KMT2C: variants seen among roughly 807,000 people sequenced by gnomAD.
KMT2C encodes the protein lysine methyltransferase 2C, also known as histone-lysine N-methyltransferase 2C.
A neutral mutation model predicts 507.9 loss-of-function variants in KMT2C; 88 were observed. The ratio of observed to expected loss-of-function variants is 0.17; its 90% CI spans 0.15 to 0.21. The LOEUF is 0.21. Ranked by LOEUF, KMT2C falls within the 10% of genes least tolerant of loss-of-function variation. The pLI, the probability that KMT2C is intolerant of heterozygous loss-of-function variation, is 1.00. For missense variants in KMT2C, 4,954 were observed against 5,957.8 expected (o/e 0.83, Z 5.55); for synonymous variants, 2,049 against 2,080.8 (o/e 0.98, Z 0.42).
rs554478789 is a variant in KMT2C, at chr7:152,327,856, G to C, written c.389+2745C>G. 6.6e-5 allele frequency among the ~76,000 whole-genome samples: 10 copies of C among 151,388 alleles called. No individual in the cohort carries two copies. In the South Asian group the frequency reaches 2.1e-3, roughly 31 times the overall value. Reference sequence around the variant, plus strand: ...ACCTGTAGTCCCAGCTACTCAGGAGGCTGAGGCAGAAGAATGGCGTGAACC... The same window carrying C: ...ACCTGTAGTCCCAGCTACTCAGGAGCCTGAGGCAGAAGAATGGCGTGAACC... On this transcript the variant is annotated intron_variant, in intron 3 of 58. Transcript: ENST00000262189.
intron 39 of KMT2C, among the ~76,000 whole-genome samples, chr7:152,171,899 C>T (rs1230962772): frequency 1.3e-5 from 2 of 152,126 alleles, no homozygotes; most frequent in Admixed American, 1.3e-4. Flanking sequence ...CAAAAATGGA[C>T]GACTGACCAA....
intron 6 of KMT2C, among the ~76,000 whole-genome samples, chr7:152,277,285 G>A (rs1325626918): frequency 6.6e-6 from 1 of 152,042 alleles, no homozygotes; most frequent in Non-Finnish European, 1.5e-5. Flanking sequence ...AGGCAACTAG[G>A]ATTCTCCCAG....
At chr7:152,396,622 C>T (rs917852703) in intron 1 of KMT2C, among the ~76,000 whole-genome samples, 6 of 152,202 alleles carry the variant, frequency 3.9e-5, no homozygotes, top group African/African-American at 1.2e-4. Flanking sequence ...AAAAAGAAAA[C>T]GACAATTGCT....
rs375541673 is a variant in KMT2C, at chr7:152,199,300, G to C, written c.4252C>G (p.Pro1418Ala). 2 of 1,595,768 alleles carry C rather than the reference G, an allele frequency of 1.3e-6. No homozygotes were observed. The highest frequency in any genetic ancestry group is 1.8e-5 in the Admixed American group (1 of 55,958). Residue 1418 changes from proline to alanine, a missense_variant, in exon 27 of 59, where the codon CCA becomes GCA. Pro to Ala is a conservative substitution (Grantham distance 27). Around this residue, in one of 29 missense-constraint regions of KMT2C, gnomAD observed 140 missense variants for 118.4 expected, o/e 1.18. Coordinates refer to ENST00000262189, the MANE Select transcript of KMT2C (RefSeq NM_170606.3). ...ATACCGTGAGTTCCAGATTTTGTTG[G>C]AGCCGAGGATGAACTAAGTAGTGGA... ...LDPLLSSSSA[P>A]TKSGTHGPAD...
chr7:152,238,875 AAAG>A (rs2129157853), intron 14 of KMT2C, 49 bp from the exon 15 acceptor site: 1 of 1,535,322 alleles, frequency 6.5e-7, no homozygotes, highest in Non-Finnish European at 8.7e-7. Context: ...CAGCAACATA[AAAG>A]GTCAAAGCCA....
rs573137835 is a variant in KMT2C at position 152,285,980 on chromosome 7, C to CAAAAG, written c.850-12118_850-12114dup. The stretch of plus-strand genomic sequence containing the variant: ...AGCCTGGGAGACAAAGACCCTGTCT[C>CAAAAG]AAAAGAAAAGAAAAGAAAATTCTAC... On this transcript the variant is annotated intron_variant, in intron 6 of 58. Transcript: ENST00000262189. Among the ~76,000 whole-genome samples, 489 of 152,250 alleles carry CAAAAG rather than the reference C, an allele frequency of 3.2e-3. 2 individuals carry two copies. The highest frequency in any genetic ancestry group is 0.026 in the East Asian group (133 of 5,186).
chr7:152,357,294 G>A (rs1390237177), intron 2 of KMT2C, among the ~76,000 whole-genome samples: 1 of 152,146 alleles, frequency 6.6e-6, no homozygotes, highest in East Asian at 1.9e-4. Flanking sequence ...GGAGGCTGAG[G>A]TGAGCGGATT....
rs1187382615 is a variant in KMT2C, at chr7:152,136,445, G to A, written c.*387C>T. ...TACATTCATAGGAAGGCCCCTGCCC[G>A]GGGCAGGGCAGCCATCGGCTCTTTG... On this transcript the variant is annotated 3_prime_UTR_variant, in exon 59 of 59. Coordinates refer to ENST00000262189, the MANE Select transcript of KMT2C (RefSeq NM_170606.3). 1.6e-5 allele frequency: 4 copies of A among 248,634 alleles called. No individual in the cohort carries two copies. The highest frequency in any genetic ancestry group is 2.2e-5 in the African/African-American group (1 of 45,374). 15.4% of individuals were successfully genotyped at this position (248,634 alleles called of 1,614,324 possible).
intron 25 of KMT2C, among the ~76,000 whole-genome samples, chr7:152,204,591 C>CTAGATAGA (rs57456614): frequency 0.027 from 3,804 of 143,462 alleles, 56 homozygotes; most frequent in African/African-American, 0.045. Flanking sequence ...AGTGAGACCC[C>CTAGATAGA]TAGATAGATA....
At chr7:152,242,372 TTTC>T (rs1269626457) in intron 14 of KMT2C, among the ~76,000 whole-genome samples, 4 of 152,188 alleles carry the variant, frequency 2.6e-5, no homozygotes, top group African/African-American at 7.2e-5. Context: ...GAATCTTGAA[TTTC>T]TTCACTTAAA....
intron 40 of KMT2C, 48 bp downstream of exon 40, chr7:152,171,216 A>C (rs1465644801): frequency 7.7e-7 from 1 of 1,300,292 alleles, no homozygotes; most frequent in Admixed American, 2.1e-5. Flanking sequence ...GTTTGCTGGG[A>C]AACAGAAAAG....
At chr7:152,250,004 A>G in intron 12 of KMT2C, 51 bp from the exon 13 acceptor site, 1 of 1,064,362 alleles carries the variant, frequency 9.4e-7, no homozygotes, top group South Asian at 1.3e-5. Flanking sequence ...TTTCTGTAAC[A>G]CTGTTCCCTC....
intron 7 of KMT2C, among the ~76,000 whole-genome samples, chr7:152,266,313 C>T (rs201805595): frequency 2.6e-5 from 4 of 151,624 alleles, no homozygotes; most frequent in Non-Finnish European, 4.4e-5. Flanking sequence ...GGCACGATCT[C>T]GGCTTACTGT....
At chr7:152,361,615 A>G (rs925517553) in intron 1 of KMT2C, among the ~76,000 whole-genome samples, 2 of 152,210 alleles carry the variant, frequency 1.3e-5, no homozygotes, top group African/African-American at 4.8e-5. Flanking sequence ...AGAAAACATT[A>G]AAATAAAGTG....
intron 8 of KMT2C, 79 bp downstream of exon 8, chr7:152,264,959 A>G: frequency 6.6e-7 from 1 of 1,514,810 alleles, no homozygotes; most frequent in South Asian, 1.3e-5. Flanking sequence ...CCTCTATTAT[A>G]TTACACAAAC....
Position 152,159,048 on chromosome 7 carries a change from C to A in KMT2C, c.11485G>T (p.Gly3829Cys). The A allele has an allele frequency of 2.5e-6, 4 of 1,614,174 alleles. No homozygotes were observed. The highest frequency in any genetic ancestry group is 3.4e-6 in the Non-Finnish European group (4 of 1,180,040). Reference sequence around the variant, plus strand: ...AACTGGTTGCCACATCCAAAACCACCTTGCATTTGAGCCCCCAAAGTTTGC... The same window carrying A: ...AACTGGTTGCCACATCCAAAACCACATTGCATTTGAGCCCCCAAAGTTTGC... ...GLQTLGAQMQ[G>C]GFGCGNQLPK... Residue 3829 changes from glycine to cysteine, a missense_variant, in exon 44 of 59, where the codon GGT (glycine) becomes TGT (cysteine). Physicochemically the swap from Gly to Cys is radical, Grantham distance 159. Around this residue, in one of 29 missense-constraint regions of KMT2C, gnomAD observed 801 missense variants for 751.2 expected, o/e 1.07. Coordinates refer to ENST00000262189, the MANE Select transcript of KMT2C (RefSeq NM_170606.3).
intron 27 of KMT2C, among the ~76,000 whole-genome samples, chr7:152,196,856 G>A (rs1329779689): frequency 6.6e-6 from 1 of 152,102 alleles, no homozygotes; most frequent in Non-Finnish European, 1.5e-5. Context: ...AAGCCCCTGG[G>A]GCAAGCCGGG....
intron 20 of KMT2C, 28 bp downstream of exon 20, chr7:152,223,987 T>C (rs1450970494): frequency 1.0e-5 from 15 of 1,496,736 alleles, no homozygotes; most frequent in Admixed American, 2.0e-5. Flanking sequence ...GAGAAAAGCT[T>C]TAAAAAGATG....
At chr7:152,287,684 G>A (rs1454585745) in intron 6 of KMT2C, among the ~76,000 whole-genome samples, 1 of 152,168 alleles carries the variant, frequency 6.6e-6, no homozygotes, top group African/African-American at 2.4e-5. Context: ...ATTCATAGAT[G>A]TCATAATTAT....
Sources: gnomAD v4.1 joint callset for allele counts (sites outside exome capture counted in the v4.1 genomes callset) on GRCh38, gnomAD v4.1.1 for gene constraint, gnomAD v4.1.1 regional missense constraint, MANE v1.5 for transcripts, NCBI Gene and HGNC (gene_info 2026-07-23, HGNC 2026-07-21) for gene names.